Variants in TNFRSF13B observed in about 807,000 individuals in gnomAD.
TNFRSF13B encodes the protein TNF receptor superfamily member 13B, also known as tumor necrosis factor receptor superfamily member 13B.
TNFRSF13B carries 34 observed loss-of-function variants against 24.0 expected under a neutral mutation model. The observed-to-expected ratio is 1.41, with a 90% CI of 1.08 to 1.88. TNFRSF13B has a LOEUF of 1.88. Ranked by LOEUF, TNFRSF13B falls within the 40% of genes most tolerant of loss-of-function variation. The pLI is 0.00. For synonymous variants in TNFRSF13B, 173 were observed against 150.3 expected (o/e 1.15, Z -1.10); for missense variants, 415 against 380.8 (o/e 1.09, Z -0.75).
At chr17:16,959,461 A>G (rs949628653) in intron 1 of TNFRSF13B, among the ~76,000 whole-genome samples, 3 of 151,990 alleles carry the variant, frequency 2.0e-5, no homozygotes, top group Non-Finnish European at 4.4e-5. Flanking sequence ...AAATAGCAGA[A>G]GGAAAGAAAT....
intron 3 of TNFRSF13B, among the ~76,000 whole-genome samples, chr17:16,945,740 C>T (rs866191706): frequency 2.7e-4 from 41 of 152,192 alleles, no homozygotes; most frequent in African/African-American, 9.4e-4. Context: ...CACTTCTTCC[C>T]CTCAGGAGAG....
chr17:16,961,861 C>T (rs939084425), intron 1 of TNFRSF13B, among the ~76,000 whole-genome samples: 2 of 152,114 alleles, frequency 1.3e-5, no homozygotes, highest in Admixed American at 6.5e-5. Context: ...AGAATAAAGA[C>T]GTTCTCAGAC....
chr17:16,949,081 G>A, intron 2 of TNFRSF13B, 98 bp from the exon 3 acceptor site: 3 of 1,515,298 alleles, frequency 2.0e-6, no homozygotes, highest in Non-Finnish European at 2.7e-6. Context: ...AAAAAATACA[G>A]TAAAATTCCA....
Position 16,939,281 on chromosome 17 carries a change from C to A in TNFRSF13B, c.*266G>T. 1 of 457,472 alleles carries A rather than the reference C, an allele frequency of 2.2e-6. No homozygotes were observed. The highest frequency in any genetic ancestry group is 3.9e-6 in the Non-Finnish European group (1 of 258,274). 28.3% of individuals were successfully genotyped at this position (457,472 alleles called of 1,614,324 possible). On this transcript the variant is annotated 3_prime_UTR_variant, in exon 5 of 5. Transcript: ENST00000261652. Reference sequence around the variant, plus strand: ...CCTCTCTCCCTCTCTGTCTCTCTGCCTCTCTCCCTCTCTGCCTCTCTCCCT... The same window carrying A: ...CCTCTCTCCCTCTCTGTCTCTCTGCATCTCTCCCTCTCTGCCTCTCTCCCT...
chr17:16,957,511 G>A (rs945643031), intron 1 of TNFRSF13B, among the ~76,000 whole-genome samples: 2 of 151,986 alleles, frequency 1.3e-5, no homozygotes, highest in Non-Finnish European at 2.9e-5. Context: ...CAATAAATTT[G>A]ATGCAGGAAA....
chr17:16,952,158 G>A (rs556087752), intron 2 of TNFRSF13B, among the ~76,000 whole-genome samples: 13 of 152,340 alleles, frequency 8.5e-5, no homozygotes, highest in African/African-American at 3.1e-4. Flanking sequence ...GCTGAGACCT[G>A]AAGGTTGAGT....
In TNFRSF13B at chr17:16,949,126, A is replaced by T. The variant is rs185804128; in HGVS notation, c.200-143T>A. ...TCCAGAGTAAGCCAAGTACTTTTAC[A>T]ATATACACATTGAAGACTATGCATT... On this transcript the variant is annotated intron_variant, in intron 2 of 4. Transcript: ENST00000261652. The T allele has an allele frequency of 9.7e-5, 102 of 1,052,882 alleles. 1 individual carries two copies. In the African/African-American group the frequency reaches 1.3e-3, roughly 13 times the overall value. The allele number at this position is 1,052,882 out of a possible 1,614,324, so 65.2% of individuals were successfully genotyped here. A position where few individuals can be genotyped will look rare whatever the true frequency, so the allele number is the denominator to read the frequency against.
intron 3 of TNFRSF13B, chr17:16,940,953 C>G (rs779880043): frequency 1.6e-5 from 17 of 1,064,632 alleles, no homozygotes; most frequent in Non-Finnish European, 1.8e-5. Context: ...TTCCAGGATC[C>G]CCTACAGATA....
Position 16,947,186 on chromosome 17 carries a change from C to A in TNFRSF13B, c.445+1552G>T, listed in dbSNP as rs36045749. Among the ~76,000 whole-genome samples the A allele has an allele frequency of 7.3e-3, 1,117 of 152,252 alleles. 18 individuals are homozygous for A. Among genetic ancestry groups the A allele is most frequent in the South Asian group, 0.067 (323 of 4,820 alleles). ...AAAAAGAAAACCACAGGCCGATATCCCTGAGGAACATAGATGCAAGATGGA... is the reference window on the plus strand; with the variant it reads ...AAAAAGAAAACCACAGGCCGATATCACTGAGGAACATAGATGCAAGATGGA... On this transcript the variant is annotated intron_variant, in intron 3 of 4. Coordinates refer to ENST00000261652, the MANE Select transcript of TNFRSF13B (RefSeq NM_012452.3).
chr17:16,960,663 G>A (rs2087656275), intron 1 of TNFRSF13B, among the ~76,000 whole-genome samples: 1 of 152,088 alleles, frequency 6.6e-6, no homozygotes, highest in African/African-American at 2.4e-5. Context: ...GAAAACATAG[G>A]GGAAAATCTC....
intron 2 of TNFRSF13B, among the ~76,000 whole-genome samples, chr17:16,950,899 G>A (rs899621012): frequency 6.6e-6 from 1 of 152,112 alleles, no homozygotes; most frequent in South Asian, 2.1e-4. Context: ...TGCCTCTGAT[G>A]GTGCTTCCTC....
Position 16,948,797 on chromosome 17 carries a change from T to C in TNFRSF13B, c.386A>G (p.Asn129Ser). 6.2e-7 allele frequency: 1 copy of C among 1,614,232 alleles called. No individual in the cohort carries two copies. The highest frequency in any genetic ancestry group is 8.5e-7 in the Non-Finnish European group (1 of 1,180,036). ...TTGGTACCTTCCCGAGTTGTCTGAA[T>C]TGTTTTCAACTTCTCCACTCCGCTG... ...RRQRSGEVEN[N>S]SDNSGRYQGL... The change falls in exon 3 of 5, where the codon AAT (asparagine) becomes AGT (serine). Residue 129 changes from asparagine to serine, a missense_variant. Asn to Ser is a conservative substitution (Grantham distance 46). Coordinates refer to ENST00000261652, the MANE Select transcript of TNFRSF13B (RefSeq NM_012452.3).
intron 1 of TNFRSF13B, among the ~76,000 whole-genome samples, chr17:16,970,175 G>A (rs2087733902): frequency 6.6e-6 from 1 of 152,196 alleles, no homozygotes; most frequent in African/African-American, 2.4e-5. Flanking sequence ...AGTGCCAAAG[G>A]AGGGCAGGAA....
rs532261008 is a variant in TNFRSF13B, at chr17:16,941,199, C to T, written c.446-688G>A. 236 of 983,364 alleles carry T rather than the reference C, an allele frequency of 2.4e-4. 4 individuals carry two copies. In the South Asian group the frequency reaches 9.9e-3, roughly 41 times the overall value. The allele number at this position is 983,364 out of a possible 1,614,324, so 60.9% of individuals were successfully genotyped here. ...TCCCCTATCTTTTCTGAGTATTTTC[C>T]AGCTGCTGTTGGTTGAATCCACAGA... On this transcript the variant is annotated intron_variant, in intron 3 of 4. Transcript: ENST00000261652.
At position 16,948,987 on chromosome 17, in the gene TNFRSF13B, G is replaced by C. The variant is rs779828195; in HGVS notation, c.200-4C>G. 6 of 1,613,928 alleles carry C rather than the reference G, an allele frequency of 3.7e-6. No individual in the cohort carries two copies. In the Admixed American group the frequency reaches 6.7e-5, roughly 18 times the overall value. ...TCCTTGCGGCAGCTGAGTGACCCTGGGAGAGAGAAATTCATGATACTGCTG... is the reference window on the plus strand; with the variant it reads ...TCCTTGCGGCAGCTGAGTGACCCTGCGAGAGAGAAATTCATGATACTGCTG... On this transcript the variant is annotated splice_region_variant and splice_polypyrimidine_tract_variant and intron_variant, in intron 2 of 4. Transcript: ENST00000261652.
intron 3 of TNFRSF13B, 59 bp from the exon 4 acceptor site, chr17:16,940,570 T>C: frequency 6.3e-7 from 1 of 1,575,816 alleles, no homozygotes; most frequent in South Asian, 1.1e-5. Flanking sequence ...GTCATTAGGC[T>C]CAAGCAATCC....
chr17:16,968,868 A>G (rs1400861779), intron 1 of TNFRSF13B, among the ~76,000 whole-genome samples: 1 of 152,236 alleles, frequency 6.6e-6, no homozygotes, highest in Non-Finnish European at 1.5e-5. Context: ...AGGCAACCCA[A>G]TTTTTATATG....
chr17:16,952,525 C>T lies in TNFRSF13B; in HGVS notation c.120G>A (p.Trp40Ter), dbSNP rs759576194. 1 of 1,614,194 alleles carries T rather than the reference C, an allele frequency of 6.2e-7. No homozygotes were observed. Among genetic ancestry groups the T allele is most frequent in the Non-Finnish European group, 8.5e-7 (1 of 1,180,026 alleles). Residue 40 changes from tryptophan (W) to a stop codon, truncating the protein, a stop_gained, in exon 2 of 5, where the codon TGG becomes TGA. Transcript: ENST00000261652. LOFTEE classifies it high-confidence loss of function. The stretch of plus-strand genomic sequence containing the variant: ...ACATGCAGGTACCCAGCAGAGGATC[C>T]CAGTACTGCTCTTCGGGGCAGGATC... The part of the protein sequence containing the change: ...AMRSCPEEQY[W>*]DPLLGTCMSC...
At chr17:16,956,208 A>G (rs1434928476) in intron 1 of TNFRSF13B, among the ~76,000 whole-genome samples, 1 of 152,242 alleles carries the variant, frequency 6.6e-6, no homozygotes, top group Non-Finnish European at 1.5e-5. Context: ...TTGGAAAAAT[A>G]CATAGCTTAA....
Sources: gnomAD v4.1 joint callset for allele counts (sites outside exome capture counted in the v4.1 genomes callset) on GRCh38, gnomAD v4.1.1 for gene constraint, MANE v1.5 for transcripts, NCBI Gene and HGNC (gene_info 2026-07-23, HGNC 2026-07-21) for gene names.